KCNIP4: variants seen among roughly 807,000 people sequenced by gnomAD.
The protein encoded by KCNIP4 is potassium voltage-gated channel interacting protein 4.
KCNIP4 carries 12 observed loss-of-function variants against 34.0 expected under a neutral mutation model. That is an observed-to-expected ratio of 0.35 (90% CI 0.23 to 0.57). The LOEUF (loss-of-function observed/expected upper bound fraction) is 0.57, where lower values mean the gene tolerates loss of function less well. KCNIP4 is among the 20% of genes least tolerant of loss of function. KCNIP4 has a pLI of 0.83. For synonymous variants in KCNIP4, 124 were observed against 102.2 expected (o/e 1.21, Z -1.29); for missense variants, 238 against 311.7 (o/e 0.76, Z 1.78).
At chr4:21,892,495 C>T (rs1282577293) in intron 1 of KCNIP4, among the ~76,000 whole-genome samples, 2 of 145,612 alleles carry the variant, frequency 1.4e-5, no homozygotes, top group Non-Finnish European at 3.0e-5. Context: ...AATGACATGG[C>T]CATTTTCTGT....
At chr4:21,723,873 T>G (rs572790659) in intron 1 of KCNIP4, among the ~76,000 whole-genome samples, 1 of 152,172 alleles carries the variant, frequency 6.6e-6, no homozygotes, top group South Asian at 2.1e-4. Flanking sequence ...CTTCTCTCTG[T>G]AGGGCATTAA....
chr4:20,729,154 G>C lies in KCNIP4; in HGVS notation c.*928C>G, dbSNP rs191885171. On this transcript the variant is annotated 3_prime_UTR_variant, in exon 9 of 9. Transcript: ENST00000382152. ...GGCTTGTAATATAAATAAACATGCTGTAAGGAAGTCAGGGGAAAGAGGACA... is the reference window on the plus strand; with the variant it reads ...GGCTTGTAATATAAATAAACATGCTCTAAGGAAGTCAGGGGAAAGAGGACA... The C allele has an allele frequency of 1.1e-3, 161 of 152,596 alleles. 1 individual carries two copies. The highest frequency in any genetic ancestry group is 5.1e-4 in the Non-Finnish European group (35 of 68,024). 9.5% of individuals were successfully genotyped at this position (152,596 alleles called of 1,614,324 possible). A position where few individuals can be genotyped will look rare whatever the true frequency, so the allele number is the denominator to read the frequency against.
Position 21,902,594 on chromosome 4 carries a change from A to C in KCNIP4, c.61+45977T>G, listed in dbSNP as rs116375295. Among the ~76,000 whole-genome samples, 1,191 of 152,168 alleles carry C rather than the reference A, an allele frequency of 7.8e-3. 15 individuals are homozygous for C. The highest frequency in any genetic ancestry group is 0.027 in the African/African-American group (1,130 of 41,524). On this transcript the variant is annotated intron_variant, in intron 1 of 8. Transcript: ENST00000382152. ...AGTGAAAGGAAAAACTTTCAGGTCA[A>C]GGAAATTGCAAGTGAGAGGCTATGA...
At chr4:20,818,080 G>A (rs1014003167) in intron 3 of KCNIP4, among the ~76,000 whole-genome samples, 1 of 152,144 alleles carries the variant, frequency 6.6e-6, no homozygotes, top group Admixed American at 6.5e-5. Context: ...AAGTTATATG[G>A]CCTCCACTGT....
rs963531204 is a variant in KCNIP4 at position 20,882,665 on chromosome 4, G to A, written c.106C>T (p.Arg36Trp). The change falls in exon 2 of 9, where the codon CGG (arginine) becomes TGG (tryptophan). Residue 36 changes from arginine to tryptophan, a missense_variant. By Grantham distance (101) the Arg-to-Trp change is moderately radical. Transcript: ENST00000382152. ...GAGCAGGGCAAGAGCTTCATGAGCCGCTCTTTAATGCTGCGCTTGGTGCTG... is the reference window on the plus strand; with the variant it reads ...GAGCAGGGCAAGAGCTTCATGAGCCACTCTTTAATGCTGCGCTTGGTGCTG... ...QNSTKRSIKERLMKLLPCSAA... is the reference protein window; with the variant it reads ...QNSTKRSIKEWLMKLLPCSAA... 6.2e-6 allele frequency: 10 copies of A among 1,613,612 alleles called. No homozygotes were observed. The highest frequency in any genetic ancestry group is 1.3e-5 in the African/African-American group (1 of 74,972).
intron 1 of KCNIP4, among the ~76,000 whole-genome samples, chr4:21,435,028 T>A (rs949164970): frequency 1.3e-5 from 2 of 152,128 alleles, no homozygotes; most frequent in East Asian, 3.9e-4. Context: ...ACAGGTATAT[T>A]GTGGTCATCT....
intron 1 of KCNIP4, among the ~76,000 whole-genome samples, chr4:21,531,805 TA>T (rs1184500036): frequency 2.0e-5 from 3 of 152,332 alleles, no homozygotes; most frequent in Admixed American, 2.0e-4. Flanking sequence ...GAGGTAAGAT[TA>T]TTTTTTTTAA....
At chr4:21,840,923 T>C (rs539765947) in intron 1 of KCNIP4, among the ~76,000 whole-genome samples, 60 of 152,310 alleles carry the variant, frequency 3.9e-4, no homozygotes, top group Non-Finnish European at 6.8e-4. Flanking sequence ...GCACCACCAG[T>C]TTCTATTGCT....
intron 1 of KCNIP4, among the ~76,000 whole-genome samples, chr4:21,814,296 C>T (rs1305230793): frequency 6.6e-6 from 1 of 152,074 alleles, no homozygotes; most frequent in Non-Finnish European, 1.5e-5. Flanking sequence ...GTGTCCCCAC[C>T]CAAATCTTAT....
chr4:20,744,731 A>C (rs961494843), intron 5 of KCNIP4, among the ~76,000 whole-genome samples: 5 of 152,192 alleles, frequency 3.3e-5, no homozygotes, highest in Non-Finnish European at 7.3e-5. Context: ...ACAAACCTGC[A>C]CATTTTGCAC....
At chr4:21,219,646 GT>G (rs1178408734) in intron 1 of KCNIP4, among the ~76,000 whole-genome samples, 1 of 152,142 alleles carries the variant, frequency 6.6e-6, no homozygotes, top group Non-Finnish European at 1.5e-5. Flanking sequence ...CGATTAAATT[GT>G]AAGGAGACCT....
chr4:21,610,972 C>T (rs1344179417), intron 1 of KCNIP4, among the ~76,000 whole-genome samples: 3 of 152,036 alleles, frequency 2.0e-5, no homozygotes, highest in African/African-American at 7.3e-5. Flanking sequence ...TCCCCTAGAC[C>T]CCCACCCCCT....
intron 4 of KCNIP4, among the ~76,000 whole-genome samples, chr4:20,750,236 T>G (rs1753347827): frequency 1.3e-5 from 2 of 152,238 alleles, no homozygotes; most frequent in Middle Eastern, 3.4e-3. Flanking sequence ...AGTCACACAG[T>G]GAAGAAGGAG....
intron 1 of KCNIP4, among the ~76,000 whole-genome samples, chr4:21,373,423 T>C (rs984829963): frequency 2.7e-5 from 4 of 147,734 alleles, no homozygotes; most frequent in South Asian, 2.1e-4. Flanking sequence ...AACTTTCAAC[T>C]AAAAAGGTCT....
At chr4:21,665,760 G>A (rs1445180527) in intron 1 of KCNIP4, among the ~76,000 whole-genome samples, 5 of 152,112 alleles carry the variant, frequency 3.3e-5, no homozygotes, top group Admixed American at 2.0e-4. Flanking sequence ...CAAAACTTGT[G>A]CTGGGGCCCA....
At chr4:21,767,139 T>C (rs567640409) in intron 1 of KCNIP4, among the ~76,000 whole-genome samples, 2 of 152,246 alleles carry the variant, frequency 1.3e-5, no homozygotes, top group East Asian at 3.9e-4. Flanking sequence ...ATTAAAGCTT[T>C]AGAAAGGAAT....
At chr4:21,497,644 T>C (rs2109877989) in intron 1 of KCNIP4, among the ~76,000 whole-genome samples, 1 of 152,350 alleles carries the variant, frequency 6.6e-6, no homozygotes, top group African/African-American at 2.4e-5. Context: ...GACAGTCTTC[T>C]ACAGGAAGAG....
chr4:20,857,168 T>C (rs889002720), intron 2 of KCNIP4, among the ~76,000 whole-genome samples: 1 of 151,834 alleles, frequency 6.6e-6, no homozygotes, highest in African/African-American at 2.4e-5. Context: ...TCTAGGCGGG[T>C]GACAGGCTCT....
chr4:20,814,799 A>G (rs563080193), intron 3 of KCNIP4, among the ~76,000 whole-genome samples: 1 of 152,344 alleles, frequency 6.6e-6, no homozygotes, highest in African/African-American at 2.4e-5. Context: ...AAGAAGAATT[A>G]TAGGACGACC....
Sources: allele counts gnomAD v4.1 joint callset (sites outside exome capture counted in the v4.1 genomes callset), GRCh38; gene constraint gnomAD v4.1.1; transcripts MANE v1.5; gene names NCBI Gene and HGNC (gene_info 2026-07-23, HGNC 2026-07-21).